GAREM1: variants seen among roughly 807,000 people sequenced by gnomAD.
GAREM1 encodes the protein GRB2 associated regulator of MAPK1 subtype 1, also known as GRB2-associated and regulator of MAPK protein 1.
In GAREM1, 26 loss-of-function variants were observed where a neutral mutation model predicts 71.3. The ratio of observed to expected loss-of-function variants is 0.36; its 90% CI spans 0.27 to 0.51. The LOEUF is 0.51. Among genes scored for constraint, GAREM1 ranks in the 20% least tolerant of loss-of-function variants. GAREM1 has a pLI of 0.95. For synonymous variants in GAREM1, 440 were observed against 433.2 expected, an observed-to-expected ratio of 1.02 and a Z score of -0.20; for missense variants, 1,026 against 1,103.1, an observed-to-expected ratio of 0.93 and a Z score of 0.99.
intron 2 of GAREM1, among the ~76,000 whole-genome samples, chr18:32,324,597 G>T (rs745902249): frequency 4.6e-5 from 7 of 152,230 alleles, no homozygotes; most frequent in African/African-American, 7.2e-5. Flanking sequence ...ATTATCAAAA[G>T]AGGATAGGAG....
Position 32,470,564 on chromosome 18 carries a change from G to C in GAREM1, c.-136C>G, listed in dbSNP as rs1053227713. On this transcript the variant is annotated 5_prime_UTR_variant, in exon 1 of 6. Coordinates refer to ENST00000269209, the MANE Select transcript of GAREM1 (RefSeq NM_001242409.2). The surrounding 1 kb of genome is among the most constrained non-coding windows in gnomAD (Gnocchi z 4.4). ...GGGCAGCTCCGGCCGCGGGCAGCCG[G>C]GGGGGCGCGGCGACTGGGGCGGCCC... 7.5e-6 allele frequency: 4 copies of C among 530,950 alleles called. No homozygotes were observed. Among genetic ancestry groups the C allele is most frequent in the South Asian group, 7.9e-5 (1 of 12,604 alleles). The allele number at this position is 530,950 out of a possible 1,614,324, so 32.9% of individuals were successfully genotyped here.
At chr18:32,387,290 A>T (rs1200272105) in intron 2 of GAREM1, among the ~76,000 whole-genome samples, 2 of 152,192 alleles carry the variant, frequency 1.3e-5, no homozygotes, top group Admixed American at 6.5e-5. Flanking sequence ...TTGTTTAATA[A>T]GTCAGGGTAA....
At position 32,406,723 on chromosome 18, in the gene GAREM1, C is replaced by A. The variant is rs540625376; in HGVS notation, c.122-13688G>T. On this transcript the variant is annotated intron_variant, in intron 1 of 5. Transcript: ENST00000269209. ...GTGGTTACAGGAAATCACTGAAGTA[C>A]AGGTAATAATTGAAGTCAATGGAAA... 8.5e-5 allele frequency among the ~76,000 whole-genome samples: 13 copies of A among 152,206 alleles called. No individual in the cohort carries two copies. In the East Asian group the frequency reaches 2.5e-3, roughly 29 times the overall value.
chr18:32,418,377 C>T (rs1326414854), intron 1 of GAREM1, among the ~76,000 whole-genome samples: 2 of 152,142 alleles, frequency 1.3e-5, no homozygotes, highest in Non-Finnish European at 1.5e-5. Context: ...ACCCTCTACT[C>T]ATCCCACACA....
rs762925886 is a variant in GAREM1 at position 32,267,357 on chromosome 18, C to T, written c.*514G>A. ...AAAAAGATCCCCACCAAGCATACAACATTAAAGTGTCAATTCGTATCACTA... is the reference window on the plus strand; with the variant it reads ...AAAAAGATCCCCACCAAGCATACAATATTAAAGTGTCAATTCGTATCACTA... On this transcript the variant is annotated 3_prime_UTR_variant, in exon 6 of 6. Coordinates refer to ENST00000269209, the MANE Select transcript of GAREM1 (RefSeq NM_001242409.2). 6.6e-6 allele frequency: 1 copy of T among 152,372 alleles called. No individual in the cohort carries two copies. 9.4% of individuals were successfully genotyped at this position (152,372 alleles called of 1,614,324 possible). A position where few individuals can be genotyped will look rare whatever the true frequency, so the allele number is the denominator to read the frequency against.
chr18:32,425,089 C>G (rs2048562078), intron 1 of GAREM1, among the ~76,000 whole-genome samples: 2 of 152,204 alleles, frequency 1.3e-5, no homozygotes, highest in African/African-American at 2.4e-5. Context: ...ACTATTTTTA[C>G]CTCAATGCGT....
intron 2 of GAREM1, among the ~76,000 whole-genome samples, chr18:32,333,173 A>AGACATTAAGAG (rs1567967943): frequency 6.6e-6 from 1 of 150,962 alleles, no homozygotes; most frequent in Non-Finnish European, 1.5e-5. Context: ...AGAAAGAGAG[A>AGACATTAAGAG]GACATTAAGA....
At chr18:32,270,166 A>C (rs1029804453) in intron 5 of GAREM1, 51 bp downstream of exon 5, 7 of 1,586,204 alleles carry the variant, frequency 4.4e-6, no homozygotes, top group Non-Finnish European at 6.0e-6. Context: ...GAACCCATGA[A>C]CTGGTGGATG....
intron 1 of GAREM1, among the ~76,000 whole-genome samples, chr18:32,403,082 T>TA (rs1428776174): frequency 1.3e-5 from 2 of 152,026 alleles, no homozygotes; most frequent in African/African-American, 4.8e-5. Context: ...TACACCCAGC[T>TA]AATTTTTGTA....
chr18:32,269,771 C>T (rs1278972310), intron 5 of GAREM1, among the ~76,000 whole-genome samples: 1 of 152,096 alleles, frequency 6.6e-6, no homozygotes, highest in Non-Finnish European at 1.5e-5. Context: ...GACCACTCAA[C>T]AGTGATGGTC....
chr18:32,470,287 C>T lies in GAREM1; in HGVS notation c.121+21G>A. Reference sequence around the variant, plus strand: ...GACGGCTGTCCTCGCCCGTCTGCCCCGCGCCCCAGCTGGGACTCACCGTTG... The same window carrying T: ...GACGGCTGTCCTCGCCCGTCTGCCCTGCGCCCCAGCTGGGACTCACCGTTG... On this transcript the variant is annotated intron_variant, in intron 1 of 5. Transcript: ENST00000269209. The surrounding 1 kb of genome is among the most constrained non-coding windows in gnomAD (Gnocchi z 4.4). 6.7e-7 allele frequency: 1 copy of T among 1,492,276 alleles called. No homozygotes were observed. Among genetic ancestry groups the T allele is most frequent in the South Asian group, 1.3e-5 (1 of 78,730 alleles). The allele number at this position is 1,492,276 out of a possible 1,614,324, so 92.4% of individuals were successfully genotyped here.
At chr18:32,281,006 C>A (rs1298616991) in intron 4 of GAREM1, among the ~76,000 whole-genome samples, 4 of 152,212 alleles carry the variant, frequency 2.6e-5, no homozygotes, top group Admixed American at 2.6e-4. Context: ...AAACTGGAAT[C>A]CATCCTATAT....
In GAREM1 at chr18:32,271,039, G is replaced by T. The variant is rs77246153; in HGVS notation, c.1567-656C>A. ...CTCCCACCTCAGCTTCCCGAGAGGT[G>T]GGACCACAGGTGTGCGCCAGTACAC... On this transcript the variant is annotated intron_variant, in intron 4 of 5. Transcript: ENST00000269209. 1.9e-3 allele frequency among the ~76,000 whole-genome samples: 292 copies of T among 150,018 alleles called. 10 individuals are homozygous for T. The East Asian group carries it at 0.046, about 24-fold the overall frequency.
At chr18:32,320,639 G>T (rs2047419992) in intron 2 of GAREM1, among the ~76,000 whole-genome samples, 2 of 152,150 alleles carry the variant, frequency 1.3e-5, no homozygotes, top group Non-Finnish European at 2.9e-5. Context: ...CTCCATCTGA[G>T]ATTTTATAAA....
At chr18:32,343,942 C>G (rs936337950) in intron 2 of GAREM1, among the ~76,000 whole-genome samples, 1 of 152,114 alleles carries the variant, frequency 6.6e-6, no homozygotes, top group African/African-American at 2.4e-5. Flanking sequence ...CTTTCCCCCA[C>G]AAGCCTCTCT....
chr18:32,407,084 A>G (rs1244605666), intron 1 of GAREM1, among the ~76,000 whole-genome samples: 2 of 152,180 alleles, frequency 1.3e-5, no homozygotes, highest in Non-Finnish European at 2.9e-5. Context: ...TGATCCTCCA[A>G]CACTATGCAA....
At chr18:32,353,815 T>C (rs1220851264) in intron 2 of GAREM1, among the ~76,000 whole-genome samples, 3 of 151,998 alleles carry the variant, frequency 2.0e-5, no homozygotes, top group Non-Finnish European at 2.9e-5. Flanking sequence ...TTAGAATTGA[T>C]AGAAATCTGG....
At chr18:32,385,556 T>C (rs926612289) in intron 2 of GAREM1, among the ~76,000 whole-genome samples, 8 of 152,150 alleles carry the variant, frequency 5.3e-5, no homozygotes, top group Non-Finnish European at 1.2e-4. Context: ...CTTGTAAATC[T>C]GAAAAAGTCA....
At chr18:32,378,061 C>T (rs868691266) in intron 2 of GAREM1, among the ~76,000 whole-genome samples, 1,620 of 130,894 alleles carry the variant, frequency 0.012, 24 homozygotes, top group African/African-American at 0.042. Context: ...TGTGTGTGCG[C>T]GCGGGCGCTT....
Sources: allele counts gnomAD v4.1 joint callset (sites outside exome capture counted in the v4.1 genomes callset), GRCh38; gene constraint gnomAD v4.1.1; non-coding constraint Gnocchi (gnomAD v3.1); transcripts MANE v1.5; gene names NCBI Gene and HGNC (gene_info 2026-07-23, HGNC 2026-07-21).